The following SGCZ variants were observed in gnomAD, a reference collection of about 807,000 sequenced individuals.
SGCZ encodes sarcoglycan zeta.
In SGCZ, 40 loss-of-function variants were observed where a neutral mutation model predicts 41.3. The ratio of observed to expected loss-of-function variants is 0.97; its 90% confidence interval spans 0.75 to 1.26. The LOEUF (loss-of-function observed/expected upper bound fraction) is 1.26, where lower values mean the gene tolerates loss of function less well. SGCZ is among the 50% of genes most tolerant of loss of function. The probability of loss-of-function intolerance (pLI) is 0.00; values close to 1 mark genes in which losing one functional copy is unlikely to be tolerated. For missense variants in SGCZ, 552 were observed against 369.8 expected, an observed-to-expected ratio of 1.49 and a Z score of -4.04; for synonymous variants, 206 against 137.5, an observed-to-expected ratio of 1.50 and a Z score of -3.49.
At chr8:15,146,423 T>C (rs975366887) in intron 1 of SGCZ, among the ~76,000 whole-genome samples, 60 of 152,178 alleles carry the variant, frequency 3.9e-4, no homozygotes, top group African/African-American at 1.3e-3. Context: ...TGGAGTGCAG[T>C]GGCTAACAGG....
chr8:14,982,153 G>T (rs1405196946), intron 1 of SGCZ, among the ~76,000 whole-genome samples: 1 of 64,498 alleles, frequency 1.6e-5, no homozygotes, highest in Non-Finnish European at 2.9e-5. Context: ...GCGAGACTCT[G>T]TCTCAAAAAA....
chr8:14,827,585 C>A (rs571590943), intron 1 of SGCZ, among the ~76,000 whole-genome samples: 1 of 152,072 alleles, frequency 6.6e-6, no homozygotes, highest in Non-Finnish European at 1.5e-5. Context: ...AGGAACTGCA[C>A]GGGTTGTGAA....
chr8:14,557,422 C>A (rs192724258), intron 1 of SGCZ, among the ~76,000 whole-genome samples: 1 of 152,080 alleles, frequency 6.6e-6, no homozygotes, highest in East Asian at 1.9e-4. Flanking sequence ...TGCAAAAGCT[C>A]TTCAATTTAA....
At chr8:14,157,920 G>T (rs1376612093) in intron 5 of SGCZ, among the ~76,000 whole-genome samples, 1 of 152,164 alleles carries the variant, frequency 6.6e-6, no homozygotes, top group African/African-American at 2.4e-5. Context: ...GGTAGCTCAT[G>T]CCTGTAATCC....
At chr8:14,615,882 C>T (rs1241451483) in intron 1 of SGCZ, among the ~76,000 whole-genome samples, 1 of 152,160 alleles carries the variant, frequency 6.6e-6, no homozygotes, top group Admixed American at 6.5e-5. Context: ...TATCCTGGGC[C>T]TATTCTCTCC....
intron 1 of SGCZ, among the ~76,000 whole-genome samples, chr8:14,697,426 T>A (rs572660307): frequency 2.0e-5 from 3 of 152,196 alleles, no homozygotes; most frequent in Non-Finnish European, 4.4e-5. Context: ...ATACTGCTTA[T>A]CTTTAAAATA....
chr8:15,186,262 C>CAAAAAAAAAAAAAAAAAAAAAAAAAAAAA, intron 1 of SGCZ, among the ~76,000 whole-genome samples: 1 of 80,718 alleles, frequency 1.2e-5, no homozygotes, highest in Non-Finnish European at 2.2e-5. Flanking sequence ...GATTCCGTAC[C>CAAAAAAAAAAAAAAAAAAAAAAAAAAAAA]AAAAAAAAAA....
chr8:15,130,271 A>G (rs976125331), intron 1 of SGCZ, among the ~76,000 whole-genome samples: 1 of 152,160 alleles, frequency 6.6e-6, no homozygotes, highest in Non-Finnish European at 1.5e-5. Flanking sequence ...ATGTTTCATT[A>G]CCATAAGGAT....
chr8:14,683,678 A>G (rs2117548384), intron 1 of SGCZ, among the ~76,000 whole-genome samples: 1 of 152,298 alleles, frequency 6.6e-6, no homozygotes, highest in East Asian at 1.9e-4. Flanking sequence ...CCATAACAAA[A>G]TAACATAGTA....
rs1231817768 is a variant in SGCZ at position 14,840,418 on chromosome 8, T to C, written c.40-285492A>G. Among the ~76,000 whole-genome samples the C allele has an allele frequency of 2.0e-5, 3 of 152,148 alleles. No homozygotes were observed. In the East Asian group the frequency reaches 5.8e-4, roughly 29 times the overall value. Reference sequence around the variant, plus strand: ...TGAATATGAATTAATCACGTTTCAGTTGTAATAATACAATGTTGCGGAAAA... The same window carrying C: ...TGAATATGAATTAATCACGTTTCAGCTGTAATAATACAATGTTGCGGAAAA... On this transcript the variant is annotated intron_variant, in intron 1 of 7. Transcript: ENST00000382080.
At chr8:15,132,465 T>G (rs886841423) in intron 1 of SGCZ, among the ~76,000 whole-genome samples, 4 of 152,156 alleles carry the variant, frequency 2.6e-5, no homozygotes, top group African/African-American at 9.7e-5. Context: ...AAGGCATGAA[T>G]GAATAGATGC....
intron 1 of SGCZ, among the ~76,000 whole-genome samples, chr8:15,099,031 C>T (rs1806498754): frequency 6.6e-6 from 1 of 152,204 alleles, no homozygotes; most frequent in South Asian, 2.1e-4. Flanking sequence ...GTACTCCAGC[C>T]TGAGTGACAG....
intron 3 of SGCZ, among the ~76,000 whole-genome samples, chr8:14,307,420 A>G (rs954163942): frequency 1.3e-5 from 2 of 152,152 alleles, no homozygotes; most frequent in African/African-American, 4.8e-5. Flanking sequence ...TTTCCCGTCC[A>G]TATTCACTTT....
chr8:14,443,609 T>A (rs558666784), intron 2 of SGCZ, among the ~76,000 whole-genome samples: 1 of 152,204 alleles, frequency 6.6e-6, no homozygotes, highest in South Asian at 2.1e-4. Context: ...GCTAGCCATA[T>A]GTAGAAAGCT....
chr8:14,348,434 C>T (rs892914916), intron 2 of SGCZ, among the ~76,000 whole-genome samples: 2 of 152,066 alleles, frequency 1.3e-5, no homozygotes, highest in Non-Finnish European at 2.9e-5. Context: ...CAATAAATGT[C>T]CACAAACTCA....
At chr8:14,311,096 T>C (rs566392838) in intron 3 of SGCZ, among the ~76,000 whole-genome samples, 243 of 152,228 alleles carry the variant, frequency 1.6e-3, no homozygotes, top group South Asian at 3.1e-3. Flanking sequence ...CTTACAAACA[T>C]CAAGTGATTT....
intron 1 of SGCZ, among the ~76,000 whole-genome samples, chr8:14,960,694 C>T (rs1188374900): frequency 6.6e-6 from 1 of 151,928 alleles, no homozygotes; most frequent in Non-Finnish European, 1.5e-5. Flanking sequence ...ATACTCAAGC[C>T]ATAAATACTG....
At chr8:14,316,741 T>C (rs1170827780) in intron 3 of SGCZ, among the ~76,000 whole-genome samples, 1 of 151,732 alleles carries the variant, frequency 6.6e-6, no homozygotes, top group Non-Finnish European at 1.5e-5. Context: ...CAACGATTCA[T>C]TCCACGGAAA....
At position 14,977,502 on chromosome 8, in the gene SGCZ, T is replaced by C. The variant is rs553161288; in HGVS notation, c.39+260083A>G. Among the ~76,000 whole-genome samples, 3 of 152,312 alleles carry C rather than the reference T, an allele frequency of 2.0e-5. No homozygotes were observed. The South Asian group carries it at 6.2e-4, about 32-fold the overall frequency. On this transcript the variant is annotated intron_variant, in intron 1 of 7. Transcript: ENST00000382080. ...TTTCTTTCATCCACATCATCTAATA[T>C]TTTCTTACATTTTAACAAAGAGAGT...
Sources: allele counts gnomAD v4.1 joint callset (sites outside exome capture counted in the v4.1 genomes callset), GRCh38; gene constraint gnomAD v4.1.1; transcripts MANE v1.5; gene names NCBI Gene and HGNC (gene_info 2026-07-23, HGNC 2026-07-21).